The following RBFOX1 variants were observed in gnomAD, a reference collection of about 807,000 sequenced individuals.
RBFOX1 encodes the protein RNA binding protein fox-1 homolog 1.
Under a neutral mutation model 57.7 loss-of-function variants are expected in RBFOX1, and 8 were observed. That is an observed-to-expected ratio of 0.14 (90% CI 0.08 to 0.25). The LOEUF (loss-of-function observed/expected upper bound fraction) is 0.25. RBFOX1 is among the 10% of genes least tolerant of loss of function. The pLI is 1.00. For missense variants in RBFOX1, 611 were observed against 548.5 expected (o/e 1.11, Z -1.14); for synonymous variants, 326 against 222.4 (o/e 1.47, Z -4.15).
At chr16:6,593,998 C>A (rs930137802) in intron 2 of RBFOX1, among the ~76,000 whole-genome samples, 1 of 152,158 alleles carries the variant, frequency 6.6e-6, no homozygotes, top group African/African-American at 2.4e-5. Context: ...AGCCTCCCTC[C>A]GCCCAGTGTT....
chr16:7,178,330 C>A (rs1412959297), intron 4 of RBFOX1, among the ~76,000 whole-genome samples: 11 of 152,180 alleles, frequency 7.2e-5, no homozygotes, highest in Admixed American at 5.2e-4. Flanking sequence ...AGGAGAAGGT[C>A]TTCCAATGGT....
chr16:6,613,357 T>G (rs1348697401), intron 2 of RBFOX1, among the ~76,000 whole-genome samples: 2 of 152,048 alleles, frequency 1.3e-5, no homozygotes, highest in Non-Finnish European at 2.9e-5. Flanking sequence ...GGCTGGTTCT[T>G]AGCACACAGA....
intron 3 of RBFOX1, among the ~76,000 whole-genome samples, chr16:6,866,264 A>C (rs2059893387): frequency 1.3e-5 from 2 of 151,938 alleles, no homozygotes; most frequent in South Asian, 2.1e-4. Flanking sequence ...CTTTCCTACC[A>C]CTTTTCATTT....
rs937588510 is a variant in RBFOX1, at chr16:5,402,358, C to G, written c.220-64858C>G. Among the ~76,000 whole-genome samples the G allele has an allele frequency of 3.9e-5, 6 of 152,304 alleles. No homozygotes were observed. The South Asian group carries it at 1.2e-3, about 32-fold the overall frequency. ...AGTGCTGGGGGTCCATGCACGCATGCACATAGGCCAGCCTTGTGGATGGGT... is the reference window on the plus strand; with the variant it reads ...AGTGCTGGGGGTCCATGCACGCATGGACATAGGCCAGCCTTGTGGATGGGT... On this transcript the variant is annotated intron_variant, in intron 1 of 2. Transcript: ENST00000585867.
chr16:6,235,071 G>T (rs1404250257), intron 1 of RBFOX1, among the ~76,000 whole-genome samples: 1 of 152,154 alleles, frequency 6.6e-6, no homozygotes, highest in Admixed American at 6.6e-5. Flanking sequence ...AATTCAGTTT[G>T]CAGGATATGG....
At chr16:6,449,262 T>G (rs2094544529) in intron 2 of RBFOX1, among the ~76,000 whole-genome samples, 1 of 152,218 alleles carries the variant, frequency 6.6e-6, no homozygotes, top group South Asian at 2.1e-4. Flanking sequence ...TGTCATCGAC[T>G]CATTCCGAAA....
intron 6 of RBFOX1, among the ~76,000 whole-genome samples, chr16:7,583,026 T>A (rs1368093812): frequency 6.6e-6 from 1 of 152,232 alleles, no homozygotes; most frequent in African/African-American, 2.4e-5. Flanking sequence ...CTAATTTGTA[T>A]CTTCAGCACA....
chr16:6,718,478 T>C (rs1403406525), intron 3 of RBFOX1, among the ~76,000 whole-genome samples: 1 of 151,324 alleles, frequency 6.6e-6, no homozygotes, highest in Non-Finnish European at 1.5e-5. Flanking sequence ...GTGTTCACGG[T>C]TGGACAGAGT....
At chr16:7,180,232 T>A (rs543565784) in intron 4 of RBFOX1, among the ~76,000 whole-genome samples, 6 of 152,304 alleles carry the variant, frequency 3.9e-5, no homozygotes, top group Admixed American at 3.3e-4. Flanking sequence ...TTTCAGATAA[T>A]TTTTAAATGC....
chr16:5,529,233 T>G (rs1693960469), intron 2 of RBFOX1, among the ~76,000 whole-genome samples: 1 of 152,118 alleles, frequency 6.6e-6, no homozygotes, highest in Admixed American at 6.5e-5. Context: ...TGCGTGACTT[T>G]GTTATGGGTT....
chr16:6,941,794 A>G (rs552882513), intron 3 of RBFOX1, among the ~76,000 whole-genome samples: 8 of 152,278 alleles, frequency 5.3e-5, no homozygotes, highest in South Asian at 2.1e-4. Flanking sequence ...TACTCACCCT[A>G]TTGGAGGACC....
At chr16:6,217,412 G>C (rs755089882) in intron 1 of RBFOX1, among the ~76,000 whole-genome samples, 1 of 152,066 alleles carries the variant, frequency 6.6e-6, no homozygotes, top group South Asian at 2.1e-4. Context: ...TCTCAGAATT[G>C]AGAAAACGTG....
chr16:6,860,151 GT>G (rs1305865091), intron 3 of RBFOX1, among the ~76,000 whole-genome samples: 1 of 152,106 alleles, frequency 6.6e-6, no homozygotes, highest in African/African-American at 2.4e-5. Flanking sequence ...CCTGGCATAT[GT>G]TTTTCTTGCT....
chr16:6,050,125 A>G (rs988588602), intron 1 of RBFOX1, among the ~76,000 whole-genome samples: 1 of 151,870 alleles, frequency 6.6e-6, no homozygotes, highest in African/African-American at 2.4e-5. Flanking sequence ...CGCCTGACTA[A>G]TTTTTGTACT....
chr16:6,538,436 G>C lies in RBFOX1; in HGVS notation c.-63-116167G>C, dbSNP rs532392386. On this transcript the variant is annotated intron_variant, in intron 2 of 15. Coordinates refer to ENST00000550418, the MANE Select transcript of RBFOX1 (RefSeq NM_018723.4). ...GAGCCTGTGAGGCCGAGGCTGCAGT[G>C]AGTGGTGATTGCGCTACTGCACTCT... 3.3e-5 allele frequency among the ~76,000 whole-genome samples: 5 copies of C among 152,296 alleles called. No homozygotes were observed. In the East Asian group the frequency reaches 5.8e-4, roughly 18 times the overall value.
intron 3 of RBFOX1, among the ~76,000 whole-genome samples, chr16:6,757,190 G>A (rs1431997117): frequency 6.6e-6 from 1 of 152,150 alleles, no homozygotes; most frequent in Non-Finnish European, 1.5e-5. Flanking sequence ...TTTATGCACT[G>A]TTGGTTGGAA....
chr16:5,421,381 C>G (rs2067321753), intron 1 of RBFOX1, among the ~76,000 whole-genome samples: 1 of 152,222 alleles, frequency 6.6e-6, no homozygotes, highest in African/African-American at 2.4e-5. Flanking sequence ...TCTTTCTCCT[C>G]TACTTCTAAA....
chr16:7,051,936 ATAATTAAT>A (rs1408842335), intron 3 of RBFOX1, 113 bp from the exon 4 acceptor site: 5 of 1,432,656 alleles, frequency 3.5e-6, no homozygotes, highest in Non-Finnish European at 4.7e-6. Context: ...AATTAAATAC[ATAATTAAT>A]TAATTATGGG....
At chr16:7,057,589 G>T (rs375336237) in intron 4 of RBFOX1, among the ~76,000 whole-genome samples, 4 of 152,204 alleles carry the variant, frequency 2.6e-5, no homozygotes, top group South Asian at 2.1e-4. Flanking sequence ...GTCTGGATCA[G>T]TTGTTCACTC....
Sources: gnomAD v4.1 joint callset for allele counts (sites outside exome capture counted in the v4.1 genomes callset) on GRCh38, gnomAD v4.1.1 for gene constraint, MANE v1.5 for transcripts, NCBI Gene and HGNC (gene_info 2026-07-23, HGNC 2026-07-21) for gene names.